CADPS: variants seen among roughly 807,000 people sequenced by gnomAD.
CADPS encodes calcium-dependent secretion activator 1.
CADPS carries 57 observed loss-of-function variants against 167.3 expected under a neutral mutation model. The observed-to-expected ratio is 0.34, with a 90% CI of 0.28 to 0.42. CADPS has a LOEUF of 0.42. CADPS is among the 20% of genes least tolerant of loss of function. CADPS has a pLI of 1.00. For missense variants in CADPS, 1,414 were observed against 1,738.1 expected, an observed-to-expected ratio of 0.81 and a Z score of 3.32; for synonymous variants, 676 against 635.3, an observed-to-expected ratio of 1.06 and a Z score of -0.96.
intron 1 of CADPS, among the ~76,000 whole-genome samples, chr3:62,784,756 A>C (rs2092231909): frequency 2.4e-5 from 1 of 40,870 alleles, no homozygotes; most frequent in Non-Finnish European, 8.1e-5. Flanking sequence ...GAATGCAAGC[A>C]AAAACAAAAA....
At position 62,536,429 on chromosome 3, in the gene CADPS, C is replaced by T; in HGVS notation, c.2103+16G>A. The stretch of plus-strand genomic sequence containing the variant: ...ATGTTATGTTTAAATTGCTGTAGAC[C>T]AAAGAATATACTTGCCAGGCAAGAA... On this transcript the variant is annotated intron_variant, in intron 12 of 29. Transcript: ENST00000383710. 6.2e-7 allele frequency: 1 copy of T among 1,606,256 alleles called. No homozygotes were observed. The highest frequency in any genetic ancestry group is 8.5e-7 in the Non-Finnish European group (1 of 1,175,000).
chr3:62,435,779 C>A (rs892440146), intron 28 of CADPS, among the ~76,000 whole-genome samples: 1 of 151,862 alleles, frequency 6.6e-6, no homozygotes, highest in Non-Finnish European at 1.5e-5. Flanking sequence ...TTGGGAAAAC[C>A]AAATTGGGAC....
intron 1 of CADPS, among the ~76,000 whole-genome samples, chr3:62,787,236 A>G (rs1307382685): frequency 6.6e-6 from 1 of 152,152 alleles, no homozygotes; most frequent in Non-Finnish European, 1.5e-5. Flanking sequence ...CGGAGGTTGT[A>G]GTGAGCCAAG....
chr3:62,669,448 A>C (rs2075120488), intron 3 of CADPS, among the ~76,000 whole-genome samples: 1 of 152,156 alleles, frequency 6.6e-6, no homozygotes, highest in Admixed American at 6.5e-5. Context: ...CTCCTGCCAC[A>C]AGACTGCACT....
At chr3:62,605,251 A>AAAAC (rs1553982043) in intron 6 of CADPS, among the ~76,000 whole-genome samples, 12 of 18,130 alleles carry the variant, frequency 6.6e-4, no homozygotes, top group Admixed American at 1.1e-3. Flanking sequence ...GGGGAAAAAC[A>AAAAC]AAAAAAAAAA....
rs931897070 is a variant in CADPS, at chr3:62,782,305, A to G, written c.442-16321T>C. ...AATTCATCCATCCAGCCAGCCAGCC[A>G]GCGAGCCACTCATGCACACATCCAC... On this transcript the variant is annotated intron_variant, in intron 1 of 29. Transcript: ENST00000383710. Among the ~76,000 whole-genome samples the G allele has an allele frequency of 4.1e-4, 63 of 152,226 alleles. 2 individuals are homozygous for G. Among genetic ancestry groups the G allele is most frequent in the Non-Finnish European group, 1.3e-4 (9 of 68,038 alleles).
chr3:62,857,979 T>C (rs937481540), intron 1 of CADPS, among the ~76,000 whole-genome samples: 5 of 152,190 alleles, frequency 3.3e-5, no homozygotes, highest in South Asian at 2.1e-4. Context: ...AGCTGCTTCC[T>C]ACAAATATGA....
intron 6 of CADPS, among the ~76,000 whole-genome samples, chr3:62,630,818 C>T (rs1421675519): frequency 6.6e-6 from 1 of 152,016 alleles, no homozygotes; most frequent in South Asian, 2.1e-4. Context: ...GTGATTTACT[C>T]CCACTTTTTA....
chr3:62,614,735 G>A (rs920919239), intron 6 of CADPS, among the ~76,000 whole-genome samples: 2 of 152,144 alleles, frequency 1.3e-5, no homozygotes, highest in African/African-American at 2.4e-5. Flanking sequence ...GTAATATTTT[G>A]AAGCTGGAAC....
chr3:62,752,767 C>A (rs1054326835), intron 3 of CADPS, among the ~76,000 whole-genome samples: 5 of 152,130 alleles, frequency 3.3e-5, no homozygotes, highest in Admixed American at 6.5e-5. Flanking sequence ...TAAGAGACAT[C>A]CAGTAAGAAT....
At position 62,544,573 on chromosome 3, in the gene CADPS, GA is replaced by G. The variant is rs574313220; in HGVS notation, c.1966+5329del. Among the ~76,000 whole-genome samples the G allele has an allele frequency of 1.2e-3, 182 of 151,942 alleles. No individual in the cohort carries two copies. The highest frequency in any genetic ancestry group is 2.0e-3 in the Non-Finnish European group (137 of 67,918). ...TGATGTTAATTAATATTCTTGGAAT[GA>G]AAAAAAATTAGACGTTAATGGTTGG... On this transcript the variant is annotated intron_variant, in intron 11 of 29. Transcript: ENST00000383710. This position sits in a 1 kb window ranked among gnomAD's most constrained non-coding sequence, Gnocchi z 4.4.
At chr3:62,744,025 T>C (rs1027616144) in intron 3 of CADPS, among the ~76,000 whole-genome samples, 2 of 152,188 alleles carry the variant, frequency 1.3e-5, no homozygotes, top group Admixed American at 6.5e-5. Context: ...TCTTGAAATG[T>C]TGAGTTCAAA....
At chr3:62,761,718 T>A (rs2085487102) in intron 2 of CADPS, among the ~76,000 whole-genome samples, 1 of 151,680 alleles carries the variant, frequency 6.6e-6, no homozygotes, top group South Asian at 2.1e-4. Flanking sequence ...AGGGAGGGCT[T>A]ATATTTTGGA....
rs531183630 is a variant in CADPS, at chr3:62,414,279, C to A, written c.3778-11094G>T. Among the ~76,000 whole-genome samples, 22 of 152,322 alleles carry A rather than the reference C, an allele frequency of 1.4e-4. No individual in the cohort carries two copies. In the Middle Eastern group the frequency reaches 0.02, roughly 141 times the overall value. On this transcript the variant is annotated intron_variant, in intron 28 of 29. Transcript: ENST00000383710. ...TCAAGCCAGATCTGCTCAAGCAATA[C>A]TCAGCCCTGAGACCCCAGTTGCCCA...
chr3:62,537,209 C>T (rs1456135069), intron 11 of CADPS, among the ~76,000 whole-genome samples: 1 of 152,154 alleles, frequency 6.6e-6, no homozygotes, highest in Admixed American at 6.5e-5. Context: ...AAGGACATTT[C>T]CTTATAGTGT....
rs1214484920 is a variant in CADPS at position 62,654,517 on chromosome 3, T to A, written c.970-3437A>T. Among the ~76,000 whole-genome samples, 2 of 152,058 alleles carry A rather than the reference T, an allele frequency of 1.3e-5. 1 individual carries two copies. The highest frequency in any genetic ancestry group is 4.8e-5 in the African/African-American group (2 of 41,416). On this transcript the variant is annotated intron_variant, in intron 4 of 29. Transcript: ENST00000383710. ...GGAAAATACTGTAGGCAACCATGAA[T>A]CCAAGAAGGTGTATACAACTTTACA...
intron 3 of CADPS, among the ~76,000 whole-genome samples, chr3:62,687,046 A>G (rs1205855289): frequency 6.6e-6 from 1 of 152,162 alleles, no homozygotes; most frequent in Non-Finnish European, 1.5e-5. Flanking sequence ...AGCTGTAGCA[A>G]CAGCCTGGGA....
chr3:62,852,378 G>A (rs2078795969), intron 1 of CADPS, among the ~76,000 whole-genome samples: 1 of 152,010 alleles, frequency 6.6e-6, no homozygotes, highest in East Asian at 1.9e-4. Flanking sequence ...GCTCACACTG[G>A]GAGCTGTAGA....
At chr3:62,615,194 C>T (rs2062068446) in intron 6 of CADPS, among the ~76,000 whole-genome samples, 1 of 152,084 alleles carries the variant, frequency 6.6e-6, no homozygotes, top group Non-Finnish European at 1.5e-5. Flanking sequence ...CAAGACAGGT[C>T]TTGGTCTCCC....
Sources: gnomAD v4.1 joint callset for allele counts (sites outside exome capture counted in the v4.1 genomes callset) on GRCh38, gnomAD v4.1.1 for gene constraint, Gnocchi (gnomAD v3.1) non-coding constraint, MANE v1.5 for transcripts, NCBI Gene and HGNC (gene_info 2026-07-23, HGNC 2026-07-21) for gene names.